The following COL4A6 variants were observed in gnomAD, a reference collection of about 807,000 sequenced individuals.
COL4A6 encodes collagen alpha-6(IV) chain.
COL4A6 carries 59 observed loss-of-function variants against 126.7 expected under a neutral mutation model. The ratio of observed to expected loss-of-function variants is 0.47; its 90% confidence interval spans 0.38 to 0.58. COL4A6 has a LOEUF of 0.58. Among genes scored for constraint, COL4A6 ranks in the 20% least tolerant of loss-of-function variants. The pLI, the probability that COL4A6 is intolerant of heterozygous loss-of-function variation, is 0.00. For synonymous variants in COL4A6, 547 were observed against 496.6 expected (o/e 1.10, Z -1.35); for missense variants, 1,285 against 1,337.3 (o/e 0.96, Z 0.61).
intron 3 of COL4A6, among the ~76,000 whole-genome samples, chrX:108,237,641 C>T (rs73636387): frequency 0.045 from 5,056 of 111,664 alleles, 245 homozygotes; most frequent in African/African-American, 0.14. Flanking sequence ...AATGACTCAG[C>T]TATAAAGAGC....
chrX:108,333,933 G>T (rs1369115076), intron 2 of COL4A6, among the ~76,000 whole-genome samples: 2 of 111,472 alleles, frequency 1.8e-5, no homozygotes, highest in African/African-American at 6.5e-5. Context: ...CATGCTCATG[G>T]ATTGAAAGAA....
At chrX:108,257,714 C>A (rs141371153) in intron 3 of COL4A6, among the ~76,000 whole-genome samples, 1 of 110,754 alleles carries the variant, frequency 9.0e-6, no homozygotes, top group Non-Finnish European at 1.9e-5. Context: ...CACCTTCCCC[C>A]GGAAGATCTC....
At chrX:108,204,749 T>C (rs2035495264) in intron 11 of COL4A6, among the ~76,000 whole-genome samples, 1 of 111,586 alleles carries the variant, frequency 9.0e-6, no homozygotes, top group Non-Finnish European at 1.9e-5. Context: ...GATCCAACTC[T>C]AAGTGGTCTA....
intron 2 of COL4A6, among the ~76,000 whole-genome samples, chrX:108,329,203 G>T (rs528296581): frequency 1.8e-5 from 2 of 111,399 alleles, no homozygotes; most frequent in South Asian, 7.6e-4. Context: ...GTTCAAAATA[G>T]CTAGAATAGA....
At chrX:108,265,010 G>A (rs1040824073) in intron 3 of COL4A6, among the ~76,000 whole-genome samples, 1 of 111,812 alleles carries the variant, frequency 8.9e-6, no homozygotes, top group African/African-American at 3.2e-5. Flanking sequence ...TACAAAATAG[G>A]GGATTACAAT....
chrX:108,255,234 GT>G (rs59793354), intron 3 of COL4A6, among the ~76,000 whole-genome samples: 7,400 of 98,808 alleles, frequency 0.075, 737 homozygotes, highest in African/African-American at 0.25. Flanking sequence ...TCAAATGGAA[GT>G]GGGGGGGCTA....
rs370263066 is a variant in COL4A6 at position 108,192,453 on chromosome X, A to C, written c.1180+20T>G. 4 of 1,114,464 alleles carry C rather than the reference A, an allele frequency of 3.6e-6. No individual in the cohort carries two copies. Among genetic ancestry groups the C allele is most frequent in the Non-Finnish European group, 4.9e-6 (4 of 810,463 alleles). The allele number at this position is 1,114,464 out of a possible 1,213,427, so 91.8% of individuals were successfully genotyped here. On this transcript the variant is annotated intron_variant, in intron 18 of 44. Transcript: ENST00000334504. ...GTATAGAGGACTGATCTGTGTAGGA[A>C]ATGGGTTAGTTTTTTTCACCTGATA...
chrX:108,343,165 A>ATAGAGTGTGT (rs1377817612), intron 2 of COL4A6, among the ~76,000 whole-genome samples: 1 of 31,414 alleles, frequency 3.2e-5, no homozygotes, highest in African/African-American at 9.1e-5. Context: ...ATATATATAT[A>ATAGAGTGTGT]GTGTGTGTGT....
At chrX:108,291,021 T>C (rs1159169857) in intron 3 of COL4A6, among the ~76,000 whole-genome samples, 1 of 112,169 alleles carries the variant, frequency 8.9e-6, no homozygotes, top group East Asian at 2.8e-4. Context: ...GCACATTAAG[T>C]CCCATGTCTT....
intron 2 of COL4A6, among the ~76,000 whole-genome samples, chrX:108,334,514 C>A (rs990028174): frequency 3.6e-5 from 4 of 111,918 alleles, no homozygotes; most frequent in African/African-American, 1.3e-4. Flanking sequence ...TCATTTTTAA[C>A]TGATGAACTA....
At chrX:108,254,111 T>C (rs754927587) in intron 3 of COL4A6, among the ~76,000 whole-genome samples, 55 of 111,375 alleles carry the variant, frequency 4.9e-4, no homozygotes, top group Non-Finnish European at 5.7e-4. Context: ...GCCAAGTTAT[T>C]TTCCAGTAGA....
chrX:108,175,675 C>T lies in COL4A6; in HGVS notation c.2809G>A (p.Ala937Thr), dbSNP rs775101174. 2.1e-5 allele frequency: 25 copies of T among 1,206,070 alleles called. No individual in the cohort carries two copies. The highest frequency in any genetic ancestry group is 4.6e-4 in the Middle Eastern group (2 of 4,335). ...TCACCCTTTTCACCAGGAGTACCAG[C>T]ACGTCCAGATGGTCCCATTTTTCCA... ...STGKMGPSGR[A>T]GTPGEKGDRG... is the part of the protein sequence containing the mutation. Residue 937 changes from alanine to threonine, a missense_variant, in exon 29 of 45, where the codon GCT (alanine) becomes ACT (threonine). By Grantham distance (58) the Ala-to-Thr change is moderately conservative. Coordinates refer to ENST00000334504, the MANE Select transcript of COL4A6 (RefSeq NM_033641.4).
intron 3 of COL4A6, among the ~76,000 whole-genome samples, chrX:108,278,920 T>G (rs2037708808): frequency 9.0e-6 from 1 of 110,986 alleles, no homozygotes; most frequent in South Asian, 3.8e-4. Context: ...AGAAATAAAA[T>G]CCTTTACAGA....
chrX:108,300,053 G>A (rs1603042876), intron 3 of COL4A6, among the ~76,000 whole-genome samples: 1 of 111,279 alleles, frequency 9.0e-6, no homozygotes, highest in African/African-American at 3.3e-5. Context: ...TTCTCCCTGG[G>A]CATCATAGTA....
At chrX:108,240,286 C>T (rs775432822) in intron 3 of COL4A6, among the ~76,000 whole-genome samples, 1 of 111,564 alleles carries the variant, frequency 9.0e-6, no homozygotes, top group South Asian at 3.8e-4. Context: ...AAAAGAATGG[C>T]ATTGAATTTG....
At chrX:108,265,578 T>C (rs931091705) in intron 3 of COL4A6, among the ~76,000 whole-genome samples, 6 of 110,880 alleles carry the variant, frequency 5.4e-5, no homozygotes, top group Non-Finnish European at 1.1e-4. Context: ...CAGTAAGTCA[T>C]ATTCAAGTTG....
At chrX:108,181,999 C>T (rs1483343552) in intron 23 of COL4A6, among the ~76,000 whole-genome samples, 1 of 112,464 alleles carries the variant, frequency 8.9e-6, no homozygotes, top group Non-Finnish European at 1.9e-5. Flanking sequence ...ATTCAAACTG[C>T]TTACTGAACT....
intron 2 of COL4A6, among the ~76,000 whole-genome samples, chrX:108,425,859 T>A (rs1309968793): frequency 9.0e-6 from 1 of 111,178 alleles, no homozygotes. Context: ...GAATTGTTAA[T>A]AAATACATTG....
At chrX:108,395,852 C>G (rs922381691) in intron 2 of COL4A6, among the ~76,000 whole-genome samples, 118 of 111,626 alleles carry the variant, frequency 1.1e-3, no homozygotes, top group African/African-American at 3.7e-3. Flanking sequence ...CAGTTAACCA[C>G]CTTGTAGTTT....
Sources: allele counts gnomAD v4.1 joint callset (sites outside exome capture counted in the v4.1 genomes callset), GRCh38; gene constraint gnomAD v4.1.1; transcripts MANE v1.5; gene names NCBI Gene and HGNC (gene_info 2026-07-23, HGNC 2026-07-21).